SOX6: variants seen among roughly 807,000 people sequenced by gnomAD.
SOX6 encodes the protein SRY-box transcription factor 6.
In SOX6, 11 loss-of-function variants were observed where a neutral mutation model predicts 97.8. That is an observed-to-expected ratio of 0.11 (90% CI 0.07 to 0.19). SOX6 has a LOEUF of 0.19. SOX6 is among the 10% of genes least tolerant of loss of function. The probability of loss-of-function intolerance (pLI) is 1.00; values close to 1 mark genes in which losing one functional copy is unlikely to be tolerated. For synonymous variants in SOX6, 360 were observed against 371.4 expected (o/e 0.97, Z 0.35); for missense variants, 810 against 1,039.5 (o/e 0.78, Z 3.04).
intron 9 of SOX6, among the ~76,000 whole-genome samples, chr11:16,086,351 G>A (rs927741943): frequency 2.0e-5 from 3 of 152,140 alleles, no homozygotes; most frequent in East Asian, 1.9e-4. Context: ...GCAGCCAGGC[G>A]ATAATTCAAC....
intron 4 of SOX6, among the ~76,000 whole-genome samples, chr11:16,492,511 G>T (rs918510622): frequency 6.6e-6 from 1 of 152,212 alleles, no homozygotes. Context: ...AAGTGCTTCA[G>T]ACTCTCCTCC....
chr11:16,021,560 A>G (rs779342782), intron 12 of SOX6, among the ~76,000 whole-genome samples: 1 of 152,142 alleles, frequency 6.6e-6, no homozygotes, highest in Non-Finnish European at 1.5e-5. Context: ...GAGGTATAGG[A>G]CTTACTTTCC....
At chr11:16,578,584 G>A (rs1264548717) in intron 4 of SOX6, among the ~76,000 whole-genome samples, 1 of 152,108 alleles carries the variant, frequency 6.6e-6, no homozygotes, top group East Asian at 1.9e-4. Flanking sequence ...TGAGAGTGCT[G>A]AAGGAACTGT....
chr11:15,992,528 G>T (rs1474377532), intron 13 of SOX6, among the ~76,000 whole-genome samples: 1 of 152,038 alleles, frequency 6.6e-6, no homozygotes, highest in African/African-American at 2.4e-5. Context: ...TGCCCAGGAG[G>T]TCACTCTCCT....
intron 12 of SOX6, among the ~76,000 whole-genome samples, chr11:16,044,444 T>A (rs867229866): frequency 2.2e-4 from 33 of 152,284 alleles, no homozygotes; most frequent in Non-Finnish European, 3.1e-4. Flanking sequence ...ATTTTCCAGT[T>A]TAATTGCACA....
chr11:16,033,775 G>A (rs1050769442), intron 12 of SOX6, among the ~76,000 whole-genome samples: 1 of 152,150 alleles, frequency 6.6e-6, no homozygotes, highest in Non-Finnish European at 1.5e-5. Flanking sequence ...GGGCGGCTGA[G>A]ACAGGAGAAT....
At chr11:16,429,223 G>A (rs957917689) in intron 1 of SOX6, among the ~76,000 whole-genome samples, 15 of 152,142 alleles carry the variant, frequency 9.9e-5, no homozygotes, top group African/African-American at 3.6e-4. Context: ...ATACACTGTA[G>A]GTGAGAGTGT....
At chr11:16,045,358 C>T (rs1440531459) in intron 12 of SOX6, among the ~76,000 whole-genome samples, 1 of 152,110 alleles carries the variant, frequency 6.6e-6, no homozygotes, top group African/African-American at 2.4e-5. Context: ...ACCCTTCTAT[C>T]AGATAATCAG....
chr11:16,482,042 G>A (rs1860353037), intron 4 of SOX6, among the ~76,000 whole-genome samples: 1 of 152,124 alleles, frequency 6.6e-6, no homozygotes, highest in African/African-American at 2.4e-5. Flanking sequence ...GATTATCATA[G>A]GTGCTACTGC....
intron 14 of SOX6, among the ~76,000 whole-genome samples, chr11:15,988,645 A>G (rs1853941232): frequency 1.3e-5 from 2 of 152,206 alleles, no homozygotes; most frequent in Non-Finnish European, 1.5e-5. Context: ...TGCACAGTAA[A>G]AGGAGATAAA....
chr11:16,506,242 C>G (rs989396341), intron 4 of SOX6, among the ~76,000 whole-genome samples: 2 of 152,186 alleles, frequency 1.3e-5, no homozygotes, highest in Admixed American at 6.5e-5. Flanking sequence ...GGGAGCCTAC[C>G]CATCGCATCA....
chr11:16,012,479 C>T (rs1854761113), intron 13 of SOX6, among the ~76,000 whole-genome samples: 1 of 151,986 alleles, frequency 6.6e-6, no homozygotes, highest in African/African-American at 2.4e-5. Context: ...GAGGTTTTCA[C>T]ATGCTCCTTA....
chr11:16,336,316 C>T (rs972156705), intron 2 of SOX6, among the ~76,000 whole-genome samples: 3 of 152,058 alleles, frequency 2.0e-5, no homozygotes, highest in Admixed American at 6.6e-5. Context: ...ATTCTCTGGC[C>T]GAGAGCATTT....
At chr11:16,284,701 T>C (rs1170384640) in intron 3 of SOX6, among the ~76,000 whole-genome samples, 1 of 152,086 alleles carries the variant, frequency 6.6e-6, no homozygotes. Flanking sequence ...AGAAGAGCTA[T>C]GATCCAGGAA....
At chr11:16,318,408 G>GA (rs747244986) in intron 3 of SOX6, 38 bp downstream of exon 3, 30 of 1,567,294 alleles carry the variant, frequency 1.9e-5, no homozygotes, top group African/African-American at 6.9e-5. Context: ...ATCTTTAGAA[G>GA]AAAAAAAACA....
At chr11:16,691,676 A>G (rs572978731) in intron 3 of SOX6, among the ~76,000 whole-genome samples, 18 of 152,276 alleles carry the variant, frequency 1.2e-4, no homozygotes, top group African/African-American at 4.3e-4. Context: ...ATGTGCCTGT[A>G]GTCCCAGCTA....
At chr11:16,695,674 T>A (rs1848047912) in intron 3 of SOX6, among the ~76,000 whole-genome samples, 1 of 152,124 alleles carries the variant, frequency 6.6e-6, no homozygotes, top group Non-Finnish European at 1.5e-5. Flanking sequence ...AACACTGCAG[T>A]CTTTGTTGTG....
chr11:16,628,151 A>G (rs1848649833), intron 3 of SOX6, among the ~76,000 whole-genome samples: 1 of 152,112 alleles, frequency 6.6e-6, no homozygotes, highest in Non-Finnish European at 1.5e-5. Context: ...CCATTGGTCT[A>G]TGAATCTGTT....
At chr11:16,072,770 A>T (rs1214958763) in intron 9 of SOX6, among the ~76,000 whole-genome samples, 3 of 152,214 alleles carry the variant, frequency 2.0e-5, no homozygotes, top group Non-Finnish European at 4.4e-5. Flanking sequence ...CCTACAAGCC[A>T]TAAGAGATTG....
Sources: allele counts gnomAD v4.1 joint callset (sites outside exome capture counted in the v4.1 genomes callset), GRCh38; gene constraint gnomAD v4.1.1; transcripts MANE v1.5; gene names NCBI Gene and HGNC (gene_info 2026-07-23, HGNC 2026-07-21).